GNAQ: variants seen among roughly 807,000 people sequenced by gnomAD.
GNAQ encodes the protein guanine nucleotide-binding protein G(q) subunit alpha.
In GNAQ, 8 loss-of-function variants were observed where a neutral mutation model predicts 43.9. The observed-to-expected ratio is 0.18, with a 90% CI of 0.11 to 0.33. The LOEUF is 0.33. GNAQ is among the 10% of genes least tolerant of loss of function. The pLI is 1.00. For synonymous variants in GNAQ, 155 were observed against 170.7 expected (o/e 0.91, Z 0.71); for missense variants, 158 against 450.8 (o/e 0.35, Z 5.88).
intron 2 of GNAQ, among the ~76,000 whole-genome samples, chr9:77,886,901 G>T (rs1417277343): frequency 6.6e-6 from 1 of 151,764 alleles, no homozygotes; most frequent in East Asian, 1.9e-4. Flanking sequence ...ATGAGGTCAG[G>T]GGTTCAAGAC....
At chr9:77,933,983 A>C (rs1403346193) in intron 1 of GNAQ, among the ~76,000 whole-genome samples, 1 of 152,220 alleles carries the variant, frequency 6.6e-6, no homozygotes, top group Non-Finnish European at 1.5e-5. Context: ...TCAGGATAGA[A>C]CAGCTCATGT....
At chr9:77,944,568 G>A (rs1317520809) in intron 1 of GNAQ, among the ~76,000 whole-genome samples, 2 of 152,104 alleles carry the variant, frequency 1.3e-5, no homozygotes, top group African/African-American at 2.4e-5. Context: ...TTGGGAGTAG[G>A]TGGAAGTTCA....
At chr9:78,027,683 G>A (rs528013273) in intron 1 of GNAQ, among the ~76,000 whole-genome samples, 2 of 151,262 alleles carry the variant, frequency 1.3e-5, no homozygotes, top group South Asian at 2.1e-4. Flanking sequence ...CCTGGGAGGC[G>A]GAGGTTGCAG....
In GNAQ at chr9:77,868,369, G is replaced by A. The variant is rs544714939; in HGVS notation, c.322-52599C>T. ...ACCAAACATTATGAATCATGAATAA[G>A]AGGATATTTAATGATCTGTGGCATG... On this transcript the variant is annotated intron_variant, in intron 2 of 6. Coordinates refer to ENST00000286548, the MANE Select transcript of GNAQ (RefSeq NM_002072.5). 7.9e-5 allele frequency among the ~76,000 whole-genome samples: 12 copies of A among 152,300 alleles called. No individual in the cohort carries two copies. In the South Asian group the frequency reaches 1.9e-3, roughly 24 times the overall value.
At chr9:77,842,781 T>C (rs934021045) in intron 2 of GNAQ, among the ~76,000 whole-genome samples, 2 of 152,146 alleles carry the variant, frequency 1.3e-5, no homozygotes, top group Non-Finnish European at 1.5e-5. Context: ...TTGGGATACT[T>C]TGATGAACAT....
intron 3 of GNAQ, among the ~76,000 whole-genome samples, chr9:77,804,544 T>C (rs887400420): frequency 6.6e-6 from 1 of 152,130 alleles, no homozygotes; most frequent in Non-Finnish European, 1.5e-5. Flanking sequence ...GTTAGAGGCA[T>C]ACAACCCTCA....
In GNAQ at chr9:77,716,884, T is replaced by C. The variant is rs1825234636; in HGVS notation, c.*4439A>G. The C allele has an allele frequency of 4.3e-6, 1 of 232,816 alleles. No individual in the cohort carries two copies. The highest frequency in any genetic ancestry group is 2.2e-5 in the African/African-American group (1 of 45,424). The allele number at this position is 232,816 out of a possible 1,614,324, so 14.4% of individuals were successfully genotyped here. On this transcript the variant is annotated 3_prime_UTR_variant, in exon 7 of 7. Coordinates refer to ENST00000286548, the MANE Select transcript of GNAQ (RefSeq NM_002072.5). ...GGTGTGTATTCATACTTTGAACATA[T>C]GATTCTAGAGGCAAGAGTGTTATTG...
In GNAQ at chr9:77,764,347, A is replaced by G. The variant is rs549905159; in HGVS notation, c.735+30116T>C. Among the ~76,000 whole-genome samples, 3 of 152,310 alleles carry G rather than the reference A, an allele frequency of 2.0e-5. No individual in the cohort carries two copies. The South Asian group carries it at 6.2e-4, about 32-fold the overall frequency. On this transcript the variant is annotated intron_variant, in intron 5 of 6. Transcript: ENST00000286548. ...TTTTGTTTTCCTAATCTGTAATCCAAAGATCTTTCACAAGGGCAATATAAT... is the reference window on the plus strand; with the variant it reads ...TTTTGTTTTCCTAATCTGTAATCCAGAGATCTTTCACAAGGGCAATATAAT...
Position 77,718,489 on chromosome 9 carries a change from G to A in GNAQ, c.*2834C>T, listed in dbSNP as rs1825258274. ...TCTTGTCATGCACCCTACAGGAACAGCGAAGCCACAAACCTCAATTCTGCA... is the reference window on the plus strand; with the variant it reads ...TCTTGTCATGCACCCTACAGGAACAACGAAGCCACAAACCTCAATTCTGCA... On this transcript the variant is annotated 3_prime_UTR_variant, in exon 7 of 7. Transcript: ENST00000286548. The A allele has an allele frequency of 4.3e-6, 1 of 232,348 alleles. No homozygotes were observed. The highest frequency in any genetic ancestry group is 8.5e-6 in the Non-Finnish European group (1 of 117,604). The allele number at this position is 232,348 out of a possible 1,614,324, so 14.4% of individuals were successfully genotyped here. A position where few individuals can be genotyped will look rare whatever the true frequency, so the allele number is the denominator to read the frequency against.
At chr9:77,972,919 C>T (rs1484151763) in intron 1 of GNAQ, among the ~76,000 whole-genome samples, 1 of 146,794 alleles carries the variant, frequency 6.8e-6, no homozygotes, top group African/African-American at 2.5e-5. Context: ...TACCATTGTA[C>T]TCCAGCCTGG....
At chr9:78,029,352 T>G (rs535520672) in intron 1 of GNAQ, among the ~76,000 whole-genome samples, 57 of 147,258 alleles carry the variant, frequency 3.9e-4, no homozygotes, top group African/African-American at 1.4e-3. Flanking sequence ...TTCCCCTTAA[T>G]TATACACTTA....
Position 77,850,035 on chromosome 9 carries a change from A to AC in GNAQ, c.322-34266dup, listed in dbSNP as rs368843425. ...TACTACTTTCTCCTCATTCTATGAC[A>AC]CCAGTGGCACCTTACCTATTCAGCC... On this transcript the variant is annotated intron_variant, in intron 2 of 6. Transcript: ENST00000286548. 1.5e-3 allele frequency among the ~76,000 whole-genome samples: 229 copies of AC among 152,286 alleles called. 1 individual carries two copies. The highest frequency in any genetic ancestry group is 5.1e-3 in the African/African-American group (212 of 41,560).
chr9:77,909,325 A>G (rs1828761106), intron 2 of GNAQ, among the ~76,000 whole-genome samples: 1 of 152,204 alleles, frequency 6.6e-6, no homozygotes, highest in Non-Finnish European at 1.5e-5. Flanking sequence ...GCCATCCACC[A>G]GCTGCCCAGT....
Position 77,922,252 on chromosome 9 carries a change from T to C in GNAQ, c.230A>G (p.Lys77Arg), listed in dbSNP as rs746699009. ...YSDEDKRGFTKLVYQNIFTAM... is the reference protein window; with the variant it reads ...YSDEDKRGFTRLVYQNIFTAM... ...CGTGAAGATGTTCTGATACACCAGCTTGGTGAAGCCCCTTTTATCTTCATC... is the reference window on the plus strand; with the variant it reads ...CGTGAAGATGTTCTGATACACCAGCCTGGTGAAGCCCCTTTTATCTTCATC... The change falls in exon 2 of 7, where the codon AAG becomes AGG. Residue 77 changes from lysine to arginine, a missense_variant. This residue lies in a region of GNAQ where 57 missense variants were observed against 78.2 expected (regional missense o/e 0.73). Transcript: ENST00000286548. 1.9e-6 allele frequency: 3 copies of C among 1,612,790 alleles called. No individual in the cohort carries two copies. Among genetic ancestry groups the C allele is most frequent in the Admixed American group, 3.3e-5 (2 of 59,998 alleles).
intron 2 of GNAQ, among the ~76,000 whole-genome samples, chr9:77,855,889 TC>T (rs1827746662): frequency 6.6e-6 from 1 of 152,196 alleles, no homozygotes; most frequent in Non-Finnish European, 1.5e-5. Context: ...TTAATTTAGT[TC>T]TTATATTTTA....
intron 2 of GNAQ, among the ~76,000 whole-genome samples, chr9:77,888,429 G>A (rs1424321440): frequency 2.0e-5 from 3 of 152,176 alleles, no homozygotes; most frequent in Admixed American, 6.5e-5. Context: ...AAATAGGAAA[G>A]TATAGCAGTA....
At chr9:78,003,023 T>C (rs1436131119) in intron 1 of GNAQ, among the ~76,000 whole-genome samples, 3 of 152,170 alleles carry the variant, frequency 2.0e-5, no homozygotes, top group Non-Finnish European at 4.4e-5. Flanking sequence ...CACTAGATTT[T>C]ATGAGTCAAA....
At chr9:77,827,505 T>C (rs942137215) in intron 2 of GNAQ, among the ~76,000 whole-genome samples, 6 of 152,070 alleles carry the variant, frequency 3.9e-5, no homozygotes, top group Middle Eastern at 3.2e-3. Flanking sequence ...ATGTAATTTC[T>C]AAATTTAGCC....
intron 2 of GNAQ, among the ~76,000 whole-genome samples, chr9:77,875,312 C>A (rs1304526065): frequency 6.6e-6 from 1 of 152,128 alleles, no homozygotes; most frequent in Non-Finnish European, 1.5e-5. Flanking sequence ...TACATGAGTC[C>A]ACATCTTTGC....
Sources: gnomAD v4.1 joint callset for allele counts (sites outside exome capture counted in the v4.1 genomes callset) on GRCh38, gnomAD v4.1.1 for gene constraint, gnomAD v4.1.1 regional missense constraint, MANE v1.5 for transcripts, NCBI Gene and HGNC (gene_info 2026-07-23, HGNC 2026-07-21) for gene names.